The following DACH1 variants were observed in gnomAD, a reference collection of about 807,000 sequenced individuals.
The protein encoded by DACH1 is dachshund family transcription factor 1.
A neutral mutation model predicts 54.2 loss-of-function variants in DACH1; 12 were observed. That is an observed-to-expected ratio of 0.22 (90% CI 0.14 to 0.36). The LOEUF (loss-of-function observed/expected upper bound fraction) is 0.36, where lower values mean the gene tolerates loss of function less well. Among genes scored for constraint, DACH1 ranks in the 10% least tolerant of loss-of-function variants. The pLI, the probability that DACH1 is intolerant of heterozygous loss-of-function variation, is 1.00. For synonymous variants in DACH1, 386 were observed against 366.2 expected (o/e 1.05, Z -0.62); for missense variants, 805 against 929.8 (o/e 0.87, Z 1.75).
At chr13:71,536,558 TGG>T (rs1357553854) in intron 6 of DACH1, among the ~76,000 whole-genome samples, 1 of 152,148 alleles carries the variant, frequency 6.6e-6, no homozygotes, top group Non-Finnish European at 1.5e-5. Flanking sequence ...TGTTGCCCAG[TGG>T]CTGCAAATCC....
chr13:71,627,465 C>T (rs1876735594), intron 3 of DACH1, among the ~76,000 whole-genome samples: 1 of 151,844 alleles, frequency 6.6e-6, no homozygotes, highest in Admixed American at 6.6e-5. Context: ...AGCAACAATA[C>T]ATCATTTAAG....
chr13:71,575,834 G>A (rs1484455779), intron 3 of DACH1, among the ~76,000 whole-genome samples: 1 of 151,950 alleles, frequency 6.6e-6, no homozygotes, highest in Non-Finnish European at 1.5e-5. Context: ...GTAATAAATA[G>A]AGCAAACAAT....
At chr13:71,521,912 T>C (rs1455477393) in intron 6 of DACH1, among the ~76,000 whole-genome samples, 2 of 152,132 alleles carry the variant, frequency 1.3e-5, no homozygotes, top group Non-Finnish European at 2.9e-5. Flanking sequence ...AAAACTTCGA[T>C]TTCAATAGAG....
At chr13:71,441,097 C>CCAT (rs1415977373) in intron 10 of DACH1, among the ~76,000 whole-genome samples, 1 of 151,984 alleles carries the variant, frequency 6.6e-6, no homozygotes, top group Non-Finnish European at 1.5e-5. Context: ...GACTGAACTC[C>CCAT]CATCTTACTC....
At chr13:71,822,199 A>T (rs538442684) in intron 1 of DACH1, among the ~76,000 whole-genome samples, 1 of 152,340 alleles carries the variant, frequency 6.6e-6, no homozygotes, top group African/African-American at 2.4e-5. Context: ...TCATGTATTA[A>T]ACTATCCCAT....
chr13:71,852,564 G>A (rs17252745), intron 1 of DACH1, among the ~76,000 whole-genome samples: 1 of 152,078 alleles, frequency 6.6e-6, no homozygotes, highest in Non-Finnish European at 1.5e-5. Flanking sequence ...GAGGAAGTTT[G>A]CTTAAAAATT....
chr13:71,643,462 A>G (rs932911725), intron 2 of DACH1, among the ~76,000 whole-genome samples: 1 of 152,206 alleles, frequency 6.6e-6, no homozygotes, highest in South Asian at 2.1e-4. Flanking sequence ...TCCCCTTTAA[A>G]CAGCATTCAT....
At chr13:71,481,956 G>A (rs973307855) in intron 7 of DACH1, among the ~76,000 whole-genome samples, 1 of 152,162 alleles carries the variant, frequency 6.6e-6, no homozygotes, top group Admixed American at 6.5e-5. Context: ...TCCAGAAAAT[G>A]CTGTGGCAAA....
chr13:71,821,570 G>A (rs1055981219), intron 1 of DACH1, among the ~76,000 whole-genome samples: 1 of 121,918 alleles, frequency 8.2e-6, no homozygotes, highest in African/African-American at 2.9e-5. Flanking sequence ...TATAAGTTAG[G>A]AATGCCTAAT....
chr13:71,779,256 T>C lies in DACH1; in HGVS notation c.848+86666A>G, dbSNP rs186068854. 5.4e-4 allele frequency among the ~76,000 whole-genome samples: 36 copies of C among 66,310 alleles called. 1 individual carries two copies. Among genetic ancestry groups the C allele is most frequent in the Non-Finnish European group, 9.9e-4 (32 of 32,318 alleles). The allele number at this position is 66,310 out of a possible 152,430, so 43.5% of individuals were successfully genotyped here. ...ATATACACATATATACGTATATACG[T>C]ATATATGTGTATATATACGTATATA... On this transcript the variant is annotated intron_variant, in intron 1 of 10. Coordinates refer to ENST00000613252, the MANE Select transcript of DACH1 (RefSeq NM_080759.6).
At chr13:71,477,287 AT>A (rs1426340712) in intron 8 of DACH1, among the ~76,000 whole-genome samples, 5 of 150,364 alleles carry the variant, frequency 3.3e-5, no homozygotes, top group Admixed American at 6.6e-5. Flanking sequence ...CGCCCGGCTA[AT>A]TTTTTGTATT....
chr13:71,617,021 A>G (rs1875833997), intron 3 of DACH1, among the ~76,000 whole-genome samples: 1 of 151,710 alleles, frequency 6.6e-6, no homozygotes, highest in South Asian at 2.1e-4. Context: ...AGCTGGGATT[A>G]CAGGTGCCCA....
chr13:71,818,020 C>G (rs1160492543), intron 1 of DACH1, among the ~76,000 whole-genome samples: 1 of 151,802 alleles, frequency 6.6e-6, no homozygotes, highest in Non-Finnish European at 1.5e-5. Context: ...ACCATGCTGG[C>G]CAGACTGGTC....
intron 10 of DACH1, among the ~76,000 whole-genome samples, chr13:71,442,231 A>G (rs1184586754): frequency 2.0e-5 from 3 of 151,922 alleles, no homozygotes; most frequent in East Asian, 1.9e-4. Flanking sequence ...TCTACACTCT[A>G]TCTCCACAAA....
intron 1 of DACH1, among the ~76,000 whole-genome samples, chr13:71,762,931 A>G (rs894806061): frequency 2.0e-5 from 3 of 152,206 alleles, no homozygotes; most frequent in Non-Finnish European, 1.5e-5. Context: ...GCAAATAAAC[A>G]TAAGTGACGT....
chr13:71,711,357 T>C (rs1002335190), intron 1 of DACH1, among the ~76,000 whole-genome samples: 1 of 152,174 alleles, frequency 6.6e-6, no homozygotes, highest in Non-Finnish European at 1.5e-5. Context: ...GACTCTTCTC[T>C]TGAAGGTTTT....
At chr13:71,823,152 T>G (rs577808010) in intron 1 of DACH1, among the ~76,000 whole-genome samples, 1 of 152,240 alleles carries the variant, frequency 6.6e-6, no homozygotes, top group South Asian at 2.1e-4. Context: ...CCATAGTTAT[T>G]CATAATAAAC....
At chr13:71,813,812 T>A (rs1390214231) in intron 1 of DACH1, among the ~76,000 whole-genome samples, 2 of 151,976 alleles carry the variant, frequency 1.3e-5, no homozygotes, top group African/African-American at 4.8e-5. Flanking sequence ...TTTTTAGAGT[T>A]AGAAAAAAAA....
chr13:71,755,737 C>G (rs529872147), intron 1 of DACH1, among the ~76,000 whole-genome samples: 1 of 152,296 alleles, frequency 6.6e-6, no homozygotes, highest in Admixed American at 6.5e-5. Flanking sequence ...TAGAGACAGA[C>G]TTGTATAATG....
Sources: gnomAD v4.1 joint callset for allele counts (sites outside exome capture counted in the v4.1 genomes callset) on GRCh38, gnomAD v4.1.1 for gene constraint, MANE v1.5 for transcripts, NCBI Gene and HGNC (gene_info 2026-07-23, HGNC 2026-07-21) for gene names.